Variants in CSMD1 observed in about 807,000 individuals in gnomAD.
CSMD1 encodes the protein CUB and Sushi multiple domains 1, also known as CUB and sushi domain-containing protein 1.
In CSMD1, 213 loss-of-function variants were observed where a neutral mutation model predicts 417.5. The ratio of observed to expected loss-of-function variants is 0.51; its 90% CI spans 0.46 to 0.57. The LOEUF (loss-of-function observed/expected upper bound fraction) is 0.57, where lower values mean the gene tolerates loss of function less well. Ranked by LOEUF, CSMD1 falls within the 20% of genes least tolerant of loss-of-function variation. The probability of loss-of-function intolerance (pLI) is 0.00; values close to 1 mark genes in which losing one functional copy is unlikely to be tolerated. For synonymous variants in CSMD1, 2,862 were observed against 1,736.8 expected (o/e 1.65, Z -16.11); for missense variants, 6,923 against 4,529.7 (o/e 1.53, Z -15.17).
chr8:4,801,372 G>A (rs1014363404), intron 1 of CSMD1, among the ~76,000 whole-genome samples: 6 of 152,066 alleles, frequency 3.9e-5, no homozygotes, highest in Non-Finnish European at 8.8e-5. Flanking sequence ...ACCCAGTACT[G>A]AGCAGATTCA....
chr8:3,068,243 GTTCTTTT>G (rs773922820), intron 49 of CSMD1, among the ~76,000 whole-genome samples: 62 of 151,988 alleles, frequency 4.1e-4, no homozygotes, highest in Non-Finnish European at 6.5e-4. Context: ...ATTTGCTCAT[GTTCTTTT>G]TTCTTTTTTC....
At chr8:3,011,558 T>C (rs2128963203) in intron 52 of CSMD1, among the ~76,000 whole-genome samples, 1 of 152,314 alleles carries the variant, frequency 6.6e-6, no homozygotes, top group Middle Eastern at 3.4e-3. Flanking sequence ...TTATATTGCA[T>C]TTACAGAACA....
At chr8:3,962,575 T>G (rs1361429481) in intron 5 of CSMD1, among the ~76,000 whole-genome samples, 1 of 151,696 alleles carries the variant, frequency 6.6e-6, no homozygotes, top group African/African-American at 2.4e-5. Flanking sequence ...ACACGAGGAG[T>G]AAGCAATGAA....
intron 5 of CSMD1, among the ~76,000 whole-genome samples, chr8:3,971,583 G>A (rs1813092424): frequency 6.6e-6 from 1 of 152,096 alleles, no homozygotes; most frequent in Non-Finnish European, 1.5e-5. Flanking sequence ...CCATAATTTT[G>A]TAGAATATGT....
chr8:3,227,259 G>T (rs1440596876), intron 27 of CSMD1, among the ~76,000 whole-genome samples: 1 of 151,930 alleles, frequency 6.6e-6, no homozygotes, highest in Non-Finnish European at 1.5e-5. Context: ...AAATTAGCCG[G>T]GCTTGGTGGT....
intron 10 of CSMD1, among the ~76,000 whole-genome samples, chr8:3,531,042 G>C (rs1248725542): frequency 1.4e-5 from 2 of 146,794 alleles, no homozygotes; most frequent in South Asian, 2.2e-4. Context: ...TGTATTTGTA[G>C]TAGAGAAGGG....
intron 42 of CSMD1, among the ~76,000 whole-genome samples, chr8:3,110,677 G>A (rs764105969): frequency 6.6e-6 from 1 of 152,162 alleles, no homozygotes; most frequent in Non-Finnish European, 1.5e-5. Context: ...AATGAATTAT[G>A]GGGAAAGTAT....
At chr8:3,788,073 T>C (rs1012491152) in intron 5 of CSMD1, among the ~76,000 whole-genome samples, 6 of 152,134 alleles carry the variant, frequency 3.9e-5, no homozygotes, top group Admixed American at 3.9e-4. Context: ...CTCCATCCAG[T>C]GAGTGTTCTT....
chr8:3,742,873 G>C (rs575346483), intron 6 of CSMD1, among the ~76,000 whole-genome samples: 4 of 152,226 alleles, frequency 2.6e-5, no homozygotes, highest in Admixed American at 1.3e-4. Flanking sequence ...TTCTAAATGT[G>C]TTATGACTGC....
At chr8:4,848,101 T>G (rs1393750280) in intron 1 of CSMD1, among the ~76,000 whole-genome samples, 4 of 151,046 alleles carry the variant, frequency 2.6e-5, no homozygotes, top group African/African-American at 9.9e-5. Context: ...AACTGTGTTA[T>G]TTTTTTTGGA....
At chr8:3,347,551 T>G (rs1328641283) in intron 22 of CSMD1, among the ~76,000 whole-genome samples, 1 of 152,152 alleles carries the variant, frequency 6.6e-6, no homozygotes, top group Non-Finnish European at 1.5e-5. Flanking sequence ...CATTTAAAAA[T>G]CAAGATTAAC....
rs181107987 is a variant in CSMD1, at chr8:4,686,509, C to T, written c.86-48951G>A. On this transcript the variant is annotated intron_variant, in intron 1 of 69. Coordinates refer to ENST00000635120, the MANE Select transcript of CSMD1 (RefSeq NM_033225.6). ...AAGAAATAACCTGTCTCTGAAAACA[C>T]GGGAGCACAGCGAAGAACCTGAGCA... 3.9e-5 allele frequency among the ~76,000 whole-genome samples: 6 copies of T among 152,296 alleles called. No homozygotes were observed. In the East Asian group the frequency reaches 9.7e-4, roughly 25 times the overall value.
intron 5 of CSMD1, among the ~76,000 whole-genome samples, chr8:3,755,870 G>A (rs1203499781): frequency 1.3e-5 from 2 of 152,006 alleles, no homozygotes; most frequent in East Asian, 3.9e-4. Flanking sequence ...TGTAGTACTG[G>A]CTGGTGACAG....
chr8:3,291,619 T>G (rs1020590842), intron 25 of CSMD1, among the ~76,000 whole-genome samples: 2 of 152,170 alleles, frequency 1.3e-5, no homozygotes, highest in Admixed American at 6.5e-5. Flanking sequence ...TGCATAGAGG[T>G]GTTTATAGTA....
intron 2 of CSMD1, among the ~76,000 whole-genome samples, chr8:4,460,450 G>A (rs1021428679): frequency 3.9e-5 from 6 of 152,046 alleles, no homozygotes; most frequent in Non-Finnish European, 5.9e-5. Context: ...CTAAACTTAC[G>A]GTAAGCAGAA....
In CSMD1 at chr8:3,647,742, G is replaced by A. The variant is rs116625246; in HGVS notation, c.1010-30945C>T. 7.3e-3 allele frequency among the ~76,000 whole-genome samples: 1,111 copies of A among 152,292 alleles called. 16 individuals carry two copies. The highest frequency in any genetic ancestry group is 0.026 in the African/African-American group (1,073 of 41,570). ...CAAACGTTAAAGTATTGATTGGAGG[G>A]AGACACAGAGAGTGAGACAGAGAGA... On this transcript the variant is annotated intron_variant, in intron 7 of 69. Coordinates refer to ENST00000635120, the MANE Select transcript of CSMD1 (RefSeq NM_033225.6).
chr8:4,631,853 T>C (rs551734282), intron 2 of CSMD1, among the ~76,000 whole-genome samples: 1 of 152,314 alleles, frequency 6.6e-6, no homozygotes, highest in African/African-American at 2.4e-5. Context: ...ATGCCAAAGC[T>C]ATTTCCCTAG....
At chr8:4,856,914 A>C (rs1248386836) in intron 1 of CSMD1, among the ~76,000 whole-genome samples, 1 of 152,154 alleles carries the variant, frequency 6.6e-6, no homozygotes, top group Non-Finnish European at 1.5e-5. Context: ...AACCAAGTGG[A>C]CCTAATAGAA....
intron 2 of CSMD1, among the ~76,000 whole-genome samples, chr8:4,625,238 A>C (rs1802028375): frequency 6.6e-6 from 1 of 152,052 alleles, no homozygotes; most frequent in Admixed American, 6.6e-5. Flanking sequence ...CTGTTTAAGC[A>C]CAAGTCACCT....
Sources: gnomAD v4.1 joint callset for allele counts (sites outside exome capture counted in the v4.1 genomes callset) on GRCh38, gnomAD v4.1.1 for gene constraint, MANE v1.5 for transcripts, NCBI Gene and HGNC (gene_info 2026-07-23, HGNC 2026-07-21) for gene names.